PKD2L2: variants seen among roughly 807,000 people sequenced by gnomAD.
The protein encoded by PKD2L2 is polycystin 2 like 2, transient receptor potential cation channel.
A neutral mutation model predicts 83.9 loss-of-function variants in PKD2L2; 67 were observed. The observed-to-expected ratio is 0.80, with a 90% CI of 0.66 to 0.98. The LOEUF is 0.98. Among genes scored for constraint, PKD2L2 ranks in the 50% least tolerant of loss-of-function variants. The probability of loss-of-function intolerance (pLI) is 0.00; values close to 1 mark genes in which losing one functional copy is unlikely to be tolerated. For synonymous variants in PKD2L2, 223 were observed against 237.8 expected (o/e 0.94, Z 0.57); for missense variants, 632 against 717.2 (o/e 0.88, Z 1.36).
intron 14 of PKD2L2, chr5:137,940,050 G>A: frequency 6.2e-7 from 1 of 1,613,864 alleles, no homozygotes; most frequent in South Asian, 1.1e-5. Flanking sequence ...ACGCTCCCTT[G>A]AGAGGGCCTA....
intron 8 of PKD2L2, among the ~76,000 whole-genome samples, chr5:137,913,024 A>G (rs1757982925): frequency 6.7e-6 from 1 of 150,004 alleles, no homozygotes; most frequent in Non-Finnish European, 1.5e-5. Context: ...GGCCGGTCTC[A>G]AACTCCCGGC....
At chr5:137,901,566 C>T (rs977088127) in intron 5 of PKD2L2, among the ~76,000 whole-genome samples, 1 of 152,190 alleles carries the variant, frequency 6.6e-6, no homozygotes, top group African/African-American at 2.4e-5. Flanking sequence ...TGCTAACCCC[C>T]CTAACCTTGA....
chr5:137,923,449 C>A lies in PKD2L2; in HGVS notation c.1479C>A (p.Thr493=). 6.5e-7 allele frequency: 1 copy of A among 1,529,326 alleles called. No homozygotes were observed. The highest frequency in any genetic ancestry group is 9.1e-7 in the Non-Finnish European group (1 of 1,103,522). The allele number at this position is 1,529,326 out of a possible 1,614,324, so 94.7% of individuals were successfully genotyped here. ...LNMFLAIIND[T]YSEVKADYSI... ...TGTTCTTGGCAATTATTAATGATAC[C>A]TATTCTGAAGTGAAAGCTGACTATT... is the stretch of plus-strand genomic sequence containing the variant. Residue 493 remains threonine (T), a synonymous_variant, in exon 10 of 15, where the codon ACC becomes ACA. Transcript: ENST00000508883.
chr5:137,936,031 T>G (rs1458603136), intron 13 of PKD2L2, 122 bp downstream of exon 13: 1 of 678,560 alleles, frequency 1.5e-6, no homozygotes, highest in East Asian at 2.5e-5. Context: ...TTTATTTACT[T>G]TCTATCCAGT....
intron 14 of PKD2L2, chr5:137,940,075 ATT>A (rs763124340): frequency 1.2e-6 from 2 of 1,614,144 alleles, no homozygotes; most frequent in Non-Finnish European, 1.7e-6. Flanking sequence ...CTCTCCCATC[ATT>A]TGTTTTGTTT....
rs1185707922 is a variant in PKD2L2 at position 137,890,470 on chromosome 5, AT to A, written c.32-10del. 6.7e-7 allele frequency: 1 copy of A among 1,493,684 alleles called. No homozygotes were observed. Among genetic ancestry groups the A allele is most frequent in the Non-Finnish European group, 9.1e-7 (1 of 1,093,448 alleles). 92.5% of individuals were successfully genotyped at this position (1,493,684 alleles called of 1,614,324 possible). ...ATAATGTAAAGAAAAATTTTGTCTT[AT>A]ATCTCACAGGGGCTTCGAAACATAA... On this transcript the variant is annotated splice_polypyrimidine_tract_variant and intron_variant, in intron 1 of 14. Transcript: ENST00000508883.
chr5:137,928,383 CAAAAA>C (rs57825667), intron 12 of PKD2L2, among the ~76,000 whole-genome samples: 4 of 111,492 alleles, frequency 3.6e-5, no homozygotes, highest in African/African-American at 1.4e-4. Context: ...ACAAAAAGTA[CAAAAA>C]AAAAAAAAAA....
rs1174743539 is a variant in PKD2L2 at position 137,925,087 on chromosome 5, AG to A, written c.1600del (p.Asp534MetfsTer32). ...EKFRLKKAQKDEDKKTKGSGD... is the reference protein window; with the variant it reads ...EKFRLKKAQKXEDKKTKGSGD... ...AATTCAGACTGAAGAAAGCTCAAAA[AG>A]ATGAAGACAAGAAAACGTAAGATGA... On this transcript the variant is annotated frameshift_variant, in exon 11 of 15. Coordinates refer to ENST00000508883, the MANE Select transcript of PKD2L2 (RefSeq NM_001300921.2). LOFTEE classifies it high-confidence loss of function. The A allele has an allele frequency of 1.8e-5, 29 of 1,601,822 alleles. No individual in the cohort carries two copies. The highest frequency in any genetic ancestry group is 2.1e-5 in the Non-Finnish European group (25 of 1,169,126).
At position 137,889,524 on chromosome 5, in the gene PKD2L2, T is replaced by G. The variant is rs77108183; in HGVS notation, c.31+2T>G. 1 of 1,552,026 alleles carries G rather than the reference T, an allele frequency of 6.4e-7. No homozygotes were observed. The highest frequency in any genetic ancestry group is 2.6e-5 in the East Asian group (1 of 38,614). On this transcript the variant is annotated splice_donor_variant, in intron 1 of 14. Transcript: ENST00000508883. LOFTEE classifies it high-confidence loss of function. The stretch of plus-strand genomic sequence containing the variant: ...AGGCGTCACGGTGGCACCGAGGCGG[T>G]GAGGGGTCCTCTTAAGGAGTGGGAG...
At chr5:137,898,044 G>A (rs1036405138) in intron 4 of PKD2L2, among the ~76,000 whole-genome samples, 2 of 150,944 alleles carry the variant, frequency 1.3e-5, no homozygotes, top group East Asian at 3.9e-4. Flanking sequence ...TTGGCTCACT[G>A]CAGCCCCCGC....
At position 137,901,967 on chromosome 5, in the gene PKD2L2, T is replaced by C. The variant is rs1442340539; in HGVS notation, c.746+2230T>C. 2.7e-5 allele frequency among the ~76,000 whole-genome samples: 4 copies of C among 149,554 alleles called. No individual in the cohort carries two copies. The South Asian group carries it at 6.3e-4, about 24-fold the overall frequency. On this transcript the variant is annotated intron_variant, in intron 5 of 14. Transcript: ENST00000508883. ...TTCACAGGATTTATGACAGAGTCAA[T>C]CAAAGAAATCATGAAAGAGATGTGG...
At chr5:137,941,616 G>C (rs1252776614) in intron 14 of PKD2L2, among the ~76,000 whole-genome samples, 1 of 152,128 alleles carries the variant, frequency 6.6e-6, no homozygotes, top group Non-Finnish European at 1.5e-5. Flanking sequence ...TCCTGTCATG[G>C]GATCCTTTCT....
At chr5:137,936,197 A>T (rs1382063657) in intron 13 of PKD2L2, 123 bp from the exon 14 acceptor site, 2 of 812,484 alleles carry the variant, frequency 2.5e-6, no homozygotes, top group Non-Finnish European at 3.9e-6. Flanking sequence ...ATAACTGGCC[A>T]CAAGAGGCAT....
intron 9 of PKD2L2, among the ~76,000 whole-genome samples, chr5:137,922,194 A>T (rs191617943): frequency 6.6e-6 from 1 of 152,316 alleles, no homozygotes; most frequent in East Asian, 1.9e-4. Flanking sequence ...CCTCCTAACC[A>T]AGGAATCTTG....
intron 8 of PKD2L2, among the ~76,000 whole-genome samples, chr5:137,920,950 A>G (rs1408435314): frequency 6.6e-6 from 1 of 152,220 alleles, no homozygotes; most frequent in Non-Finnish European, 1.5e-5. Flanking sequence ...ACCTTCTACA[A>G]GTTGAAAAAT....
At chr5:137,940,414 CT>C in intron 14 of PKD2L2, 1 of 1,116,806 alleles carries the variant, frequency 9.0e-7, no homozygotes, top group Non-Finnish European at 1.3e-6. Flanking sequence ...CAAAAGTTGT[CT>C]TAATATGAGA....
rs1758923059 is a variant in PKD2L2, at chr5:137,921,704, T to A, written c.1397T>A (p.Leu466Ter). 6.2e-7 allele frequency: 1 copy of A among 1,609,570 alleles called. No homozygotes were observed. Among genetic ancestry groups the A allele is most frequent in the Admixed American group, 1.7e-5 (1 of 59,786 alleles). Residue 466 changes from leucine to a stop codon, truncating the protein, a stop_gained, in exon 9 of 15, where the codon TTG becomes TAG. Coordinates refer to ENST00000508883, the MANE Select transcript of PKD2L2 (RefSeq NM_001300921.2). LOFTEE classifies it high-confidence loss of function. ...GGTATTCAGCAAGCCAATCCTATCTTGGGACCCATTTACTTCATCACTTTC... is the reference window on the plus strand; with the variant it reads ...GGTATTCAGCAAGCCAATCCTATCTAGGGACCCATTTACTTCATCACTTTC... ...FAGIQQANPI[L>*]GPIYFITFIF...
Position 137,942,568 on chromosome 5 carries a change from G to T in PKD2L2, c.*202G>T. 3.2e-6 allele frequency: 1 copy of T among 311,858 alleles called. No individual in the cohort carries two copies. The highest frequency in any genetic ancestry group is 5.9e-6 in the Non-Finnish European group (1 of 170,502). The allele number at this position is 311,858 out of a possible 1,614,324, so 19.3% of individuals were successfully genotyped here. ...TATACAGTCTGGGTCCCACTATATTGCCCAGGCTGGTCTTGAACTCCTGGC... is the reference window on the plus strand; with the variant it reads ...TATACAGTCTGGGTCCCACTATATTTCCCAGGCTGGTCTTGAACTCCTGGC... On this transcript the variant is annotated 3_prime_UTR_variant, in exon 15 of 15. Coordinates refer to ENST00000508883, the MANE Select transcript of PKD2L2 (RefSeq NM_001300921.2).
At chr5:137,941,017 T>C (rs945520443) in intron 14 of PKD2L2, among the ~76,000 whole-genome samples, 14 of 152,156 alleles carry the variant, frequency 9.2e-5, no homozygotes, top group Non-Finnish European at 1.9e-4. Flanking sequence ...GCCATTCTCC[T>C]GCCTCAGCCT....
Sources: allele counts gnomAD v4.1 joint callset (sites outside exome capture counted in the v4.1 genomes callset), GRCh38; gene constraint gnomAD v4.1.1; transcripts MANE v1.5; gene names NCBI Gene and HGNC (gene_info 2026-07-23, HGNC 2026-07-21).